HMCN2: variants seen among roughly 807,000 people sequenced by gnomAD.
HMCN2 encodes the protein hemicentin 2, also known as hemicentin-2.
HMCN2 carries 325 observed loss-of-function variants against 377.5 expected under a neutral mutation model. That is an observed-to-expected ratio of 0.86 (90% CI 0.79 to 0.94). HMCN2 has a LOEUF of 0.94. Among genes scored for constraint, HMCN2 ranks in the 40% least tolerant of loss-of-function variants. The pLI is 0.00. For missense variants in HMCN2, 4,543 were observed against 4,725.3 expected (o/e 0.96, Z 1.13); for synonymous variants, 2,007 against 2,046.8 (o/e 0.98, Z 0.53).
At chr9:130,392,762 C>A (rs1360151020) in intron 66 of HMCN2, among the ~76,000 whole-genome samples, 6 of 152,084 alleles carry the variant, frequency 3.9e-5, no homozygotes, top group East Asian at 1.9e-4. Context: ...TTTGGGAGGC[C>A]AAGGCGGGCA....
intron 33 of HMCN2, 112 bp downstream of exon 33, chr9:130,355,966 A>G: frequency 1.1e-6 from 1 of 895,168 alleles, no homozygotes; most frequent in Non-Finnish European, 1.5e-6. Context: ...GGAGTAGGAA[A>G]GAGGCCTGGA....
intron 82 of HMCN2, 64 bp from the exon 83 acceptor site, chr9:130,407,504 ACCC>A: frequency 8.1e-7 from 1 of 1,242,016 alleles, no homozygotes; most frequent in Admixed American, 2.6e-5. Context: ...TCCTGCAGGT[ACCC>A]AGGCACCAGG....
intron 60 of HMCN2, 58 bp downstream of exon 60, chr9:130,385,820 C>T: frequency 8.3e-7 from 1 of 1,198,044 alleles, no homozygotes; most frequent in Non-Finnish European, 1.1e-6. Context: ...CGCCTCCCAG[C>T]CCTGGCGAGC....
rs190779638 is a variant in HMCN2 at position 130,305,537 on chromosome 9, C to A, written c.1816+535C>A. Among the ~76,000 whole-genome samples, 188 of 152,290 alleles carry A rather than the reference C, an allele frequency of 1.2e-3. 1 individual carries two copies. The highest frequency in any genetic ancestry group is 1.9e-3 in the Non-Finnish European group (129 of 68,016). On this transcript the variant is annotated intron_variant, in intron 11 of 97. Transcript: ENST00000683500. ...GAACAAGCATTCTCTCTTGTGCCAG[C>A]GGCTCTTGAGTGGCTGCCAGAGTGT...
rs397940740 is a variant in HMCN2 at position 130,398,153 on chromosome 9, CAAA to C, written c.11327-375_11327-373del. On this transcript the variant is annotated intron_variant, in intron 74 of 97. Transcript: ENST00000683500. ...GGGTGACAGAGTAAGACTCCGTCTA[CAAA>C]AAAAAAAAAAAAAAAAAAAAAAGTA... Among the ~76,000 whole-genome samples the C allele has an allele frequency of 1.8e-4, 6 of 33,938 alleles. No homozygotes were observed. In the South Asian group the frequency reaches 4.1e-3, roughly 23 times the overall value. The allele number at this position is 33,938 out of a possible 152,430, so 22.3% of individuals were successfully genotyped here. A position where few individuals can be genotyped will look rare whatever the true frequency, so the allele number is the denominator to read the frequency against.
rs116637990 is a variant in HMCN2, at chr9:130,303,825, T to C, written c.1543+217T>C. Among the ~76,000 whole-genome samples the C allele has an allele frequency of 0.057, 8,700 of 152,246 alleles. 320 individuals carry two copies. Among genetic ancestry groups the C allele is most frequent in the African/African-American group, 0.11 (4,384 of 41,512 alleles). ...CTCCGCTGGAGGAAGGCTGAGGACCTGGCTTGGGTCTTCCTGCCCTGCCCA... is the reference window on the plus strand; with the variant it reads ...CTCCGCTGGAGGAAGGCTGAGGACCCGGCTTGGGTCTTCCTGCCCTGCCCA... On this transcript the variant is annotated intron_variant, in intron 10 of 97. Coordinates refer to ENST00000683500, the MANE Select transcript of HMCN2 (RefSeq NM_001291815.2). The surrounding 1 kb of genome is among the most constrained non-coding windows in gnomAD (Gnocchi z 5.2).
rs1460721370 is a variant in HMCN2, at chr9:130,403,178, C to T, written c.11879-16C>T. The T allele has an allele frequency of 2.3e-6, 3 of 1,286,862 alleles. No homozygotes were observed. The highest frequency in any genetic ancestry group is 1.1e-4 in the East Asian group (2 of 17,972). 79.7% of individuals were successfully genotyped at this position (1,286,862 alleles called of 1,614,324 possible). On this transcript the variant is annotated splice_polypyrimidine_tract_variant and intron_variant, in intron 78 of 97. Transcript: ENST00000683500. ...AAGGACATTCTCAGGGCCCTCTGCA[C>T]CCCCGTCCTTTGTAGCCTCCCCGGT...
chr9:130,278,034 C>T (rs1337334568), intron 1 of HMCN2, among the ~76,000 whole-genome samples: 1 of 28,680 alleles, frequency 3.5e-5, no homozygotes, highest in Non-Finnish European at 6.4e-5. Flanking sequence ...CCACGATCAT[C>T]ACCACCACCA....
intron 1 of HMCN2, among the ~76,000 whole-genome samples, chr9:130,283,712 C>T (rs1212497557): frequency 2.0e-5 from 3 of 152,156 alleles, no homozygotes; most frequent in Non-Finnish European, 4.4e-5. Flanking sequence ...GCTTCTCTCG[C>T]GTGGGAGGTG....
chr9:130,392,796 A>G (rs991715586), intron 66 of HMCN2, among the ~76,000 whole-genome samples: 5 of 152,096 alleles, frequency 3.3e-5, no homozygotes, highest in Admixed American at 6.5e-5. Flanking sequence ...GGAGATCAAG[A>G]CCATCCTGGC....
chr9:130,384,349 C>CTACCG lies in HMCN2; in HGVS notation c.8831-22_8831-18dup. On this transcript the variant is annotated intron_variant, in intron 57 of 97. Coordinates refer to ENST00000683500, the MANE Select transcript of HMCN2 (RefSeq NM_001291815.2). ...GCTGGTGTGATTCTCATGCCTTTCTCTACCGTGGTGGCTGTGGGGATAGTC... is the reference window on the plus strand; with the variant it reads ...GCTGGTGTGATTCTCATGCCTTTCTCTACCGTACCGTGGTGGCTGTGGGGATAGTC... 7 of 1,279,798 alleles carry CTACCG rather than the reference C, an allele frequency of 5.5e-6. No individual in the cohort carries two copies. The South Asian group carries it at 8.9e-5, about 16-fold the overall frequency. The allele number at this position is 1,279,798 out of a possible 1,614,324, so 79.3% of individuals were successfully genotyped here. A position where few individuals can be genotyped will look rare whatever the true frequency, so the allele number is the denominator to read the frequency against.
At chr9:130,405,686 A>G (rs1428527936) in intron 81 of HMCN2, among the ~76,000 whole-genome samples, 3 of 152,242 alleles carry the variant, frequency 2.0e-5, no homozygotes, top group Admixed American at 2.0e-4. Context: ...TTCTGAGGAC[A>G]GGGCAGCACA....
Position 130,422,158 on chromosome 9 carries a change from C to T in HMCN2, c.13232-419C>T, listed in dbSNP as rs1038579233. Among the ~76,000 whole-genome samples the T allele has an allele frequency of 6.6e-6, 1 of 152,250 alleles. No individual in the cohort carries two copies. Among genetic ancestry groups the T allele is most frequent in the African/African-American group, 2.4e-5 (1 of 41,476 alleles). On this transcript the variant is annotated intron_variant, in intron 86 of 97. Transcript: ENST00000683500. This position sits in a 1 kb window ranked among gnomAD's most constrained non-coding sequence, Gnocchi z 4.2. ...GCTGTTCAGGTGATGGCACCCGGCT[C>T]TGGCTCGGTGCCCTGGCTCCTTCAG...
chr9:130,390,267 C>A (rs1000444135), intron 62 of HMCN2, among the ~76,000 whole-genome samples: 6 of 152,144 alleles, frequency 3.9e-5, no homozygotes, highest in African/African-American at 1.2e-4. Context: ...TCCTGTCCCC[C>A]AAGTTCCCCG....
chr9:130,384,604 ACAGGGCCGTCAGTCGTG>A, intron 58 of HMCN2, 64 bp from the exon 59 acceptor site: 1 of 1,301,580 alleles, frequency 7.7e-7, no homozygotes. Context: ...CCGACCTGGG[ACAGGGCCGTCAGTCGTG>A]CAGGGATTTA....
intron 66 of HMCN2, among the ~76,000 whole-genome samples, chr9:130,392,919 C>G (rs1327974743): frequency 1.3e-4 from 19 of 150,142 alleles, no homozygotes; most frequent in South Asian, 2.1e-4. Context: ...TGGCGTGAAC[C>G]CGGGAGGCGG....
Position 130,384,657 on chromosome 9 carries a change from G to T in HMCN2, c.8993-28G>T, listed in dbSNP as rs1266841841. 8 of 1,300,998 alleles carry T rather than the reference G, an allele frequency of 6.1e-6. No homozygotes were observed. The Admixed American group carries it at 1.8e-4, about 30-fold the overall frequency. The allele number at this position is 1,300,998 out of a possible 1,614,324, so 80.6% of individuals were successfully genotyped here. ...GGACTGGGGGCTGGGCTGGAATGCTGGTGTGAGGGGCTGGCTTCCCCCGGC... is the reference window on the plus strand; with the variant it reads ...GGACTGGGGGCTGGGCTGGAATGCTTGTGTGAGGGGCTGGCTTCCCCCGGC... On this transcript the variant is annotated intron_variant, in intron 58 of 97. Coordinates refer to ENST00000683500, the MANE Select transcript of HMCN2 (RefSeq NM_001291815.2).
intron 15 of HMCN2, among the ~76,000 whole-genome samples, chr9:130,310,662 TG>T (rs1837198682): frequency 6.6e-6 from 1 of 151,324 alleles, no homozygotes; most frequent in Admixed American, 6.6e-5. Flanking sequence ...GGGCTACCCA[TG>T]GGTGTGAACA....
intron 31 of HMCN2, among the ~76,000 whole-genome samples, chr9:130,354,132 A>G (rs1839892644): frequency 6.6e-6 from 1 of 152,204 alleles, no homozygotes; most frequent in Non-Finnish European, 1.5e-5. Context: ...CTTACACCCA[A>G]ATAAGGTTAA....
Sources: allele counts gnomAD v4.1 joint callset (sites outside exome capture counted in the v4.1 genomes callset), GRCh38; gene constraint gnomAD v4.1.1; non-coding constraint Gnocchi (gnomAD v3.1); transcripts MANE v1.5; gene names NCBI Gene and HGNC (gene_info 2026-07-23, HGNC 2026-07-21).